PDE4D: variants seen among roughly 807,000 people sequenced by gnomAD.
PDE4D encodes phosphodiesterase 4D.
PDE4D carries 24 observed loss-of-function variants against 87.4 expected under a neutral mutation model. That is an observed-to-expected ratio of 0.27 (90% CI 0.20 to 0.39). The LOEUF (loss-of-function observed/expected upper bound fraction) is 0.39. PDE4D is among the 10% of genes least tolerant of loss of function. The pLI is 1.00. For missense variants in PDE4D, 714 were observed against 1,041.0 expected (o/e 0.69, Z 4.32); for synonymous variants, 384 against 383.2 (o/e 1.00, Z -0.02).
chr5:59,052,916 T>C (rs1379511602), intron 5 of PDE4D, among the ~76,000 whole-genome samples: 1 of 152,192 alleles, frequency 6.6e-6, no homozygotes, highest in Non-Finnish European at 1.5e-5. Context: ...ATGTAAAATA[T>C]AAGAGCTGCT....
chr5:59,008,975 G>C (rs1198128309), intron 6 of PDE4D, among the ~76,000 whole-genome samples: 1 of 152,004 alleles, frequency 6.6e-6, no homozygotes, highest in East Asian at 1.9e-4. Context: ...AAAGATCCAT[G>C]ACCATCATTA....
At chr5:59,067,208 G>A (rs997984182) in intron 5 of PDE4D, among the ~76,000 whole-genome samples, 1 of 151,756 alleles carries the variant, frequency 6.6e-6, no homozygotes, top group Non-Finnish European at 1.5e-5. Context: ...GTAGAGATTA[G>A]GTTTCATCAT....
chr5:60,263,153 G>A (rs1484187143), intron 1 of PDE4D, among the ~76,000 whole-genome samples: 1 of 152,138 alleles, frequency 6.6e-6, no homozygotes, highest in East Asian at 1.9e-4. Context: ...GAGCCGCAAA[G>A]CCTCTGTTAA....
intron 1 of PDE4D, among the ~76,000 whole-genome samples, chr5:59,439,012 G>C (rs1401515114): frequency 6.6e-6 from 1 of 152,106 alleles, no homozygotes; most frequent in Non-Finnish European, 1.5e-5. Flanking sequence ...CTAGATCCCT[G>C]AGTTTATTCA....
intron 3 of PDE4D, among the ~76,000 whole-genome samples, chr5:59,976,282 T>C (rs567321126): frequency 6.6e-6 from 1 of 152,170 alleles, no homozygotes; most frequent in Non-Finnish European, 1.5e-5. Context: ...TTGCTTGATA[T>C]GGTTTGGGTA....
At chr5:59,802,586 A>C (rs1251090815) in intron 1 of PDE4D, among the ~76,000 whole-genome samples, 1 of 151,882 alleles carries the variant, frequency 6.6e-6, no homozygotes, top group East Asian at 1.9e-4. Context: ...TTTAGTAGAG[A>C]GGGGGTTTCA....
chr5:59,235,630 G>T (rs1756250407), intron 1 of PDE4D, among the ~76,000 whole-genome samples: 1 of 152,124 alleles, frequency 6.6e-6, no homozygotes, highest in Non-Finnish European at 1.5e-5. Flanking sequence ...AAAGACAAAT[G>T]CTTATTTTAA....
chr5:60,154,370 A>G (rs1781780719), intron 2 of PDE4D, among the ~76,000 whole-genome samples: 1 of 152,018 alleles, frequency 6.6e-6, no homozygotes, highest in South Asian at 2.1e-4. Flanking sequence ...TCTGTCTCCC[A>G]GGTTCAAGCA....
At chr5:59,049,785 A>G (rs1761256249) in intron 5 of PDE4D, among the ~76,000 whole-genome samples, 2 of 152,190 alleles carry the variant, frequency 1.3e-5, no homozygotes, top group Middle Eastern at 3.2e-3. Flanking sequence ...AAAGAAAGCA[A>G]TTATTTTAAT....
At chr5:59,137,515 G>C (rs187175438) in intron 5 of PDE4D, among the ~76,000 whole-genome samples, 1 of 150,260 alleles carries the variant, frequency 6.7e-6, no homozygotes, top group African/African-American at 2.4e-5. Context: ...TATTTTAAGA[G>C]GGAAAGTTTC....
chr5:59,285,570 C>T (rs1161866666), intron 1 of PDE4D, among the ~76,000 whole-genome samples: 1 of 151,970 alleles, frequency 6.6e-6, no homozygotes, highest in Non-Finnish European at 1.5e-5. Context: ...AAGAAATACA[C>T]TGGAAGAAGT....
intron 1 of PDE4D, among the ~76,000 whole-genome samples, chr5:60,250,321 CA>C (rs1748282273): frequency 6.6e-6 from 1 of 151,768 alleles, no homozygotes; most frequent in South Asian, 2.1e-4. Context: ...AGTCCCTGAT[CA>C]AAGATGATAT....
chr5:59,565,176 GAGA>G (rs1820672054), intron 1 of PDE4D, among the ~76,000 whole-genome samples: 1 of 152,110 alleles, frequency 6.6e-6, no homozygotes, highest in Non-Finnish European at 1.5e-5. Context: ...CAGAAGGAAA[GAGA>G]AGGAGAATGG....
chr5:60,325,586 G>T (rs1326239948), intron 1 of PDE4D, among the ~76,000 whole-genome samples: 1 of 152,056 alleles, frequency 6.6e-6, no homozygotes, highest in Non-Finnish European at 1.5e-5. Flanking sequence ...AACTTTCCCT[G>T]ACTCTCTTGT....
intron 1 of PDE4D, among the ~76,000 whole-genome samples, chr5:59,309,394 G>A (rs916398008): frequency 1.4e-4 from 21 of 152,214 alleles, no homozygotes; most frequent in African/African-American, 5.1e-4. Flanking sequence ...TGCCAGGCAT[G>A]GATGGCCTGC....
At chr5:60,248,783 T>G (rs773753866) in intron 1 of PDE4D, among the ~76,000 whole-genome samples, 1 of 152,064 alleles carries the variant, frequency 6.6e-6, no homozygotes, top group Non-Finnish European at 1.5e-5. Context: ...TTCGATAGCC[T>G]GCTTTCCAAC....
At chr5:59,058,700 A>G (rs1762695810) in intron 5 of PDE4D, among the ~76,000 whole-genome samples, 1 of 152,044 alleles carries the variant, frequency 6.6e-6, no homozygotes, top group Non-Finnish European at 1.5e-5. Flanking sequence ...CAGCTCTCTC[A>G]ATCACAGCAT....
chr5:59,063,688 C>A (rs558828973), intron 5 of PDE4D, among the ~76,000 whole-genome samples: 1 of 152,074 alleles, frequency 6.6e-6, no homozygotes, highest in African/African-American at 2.4e-5. Context: ...ATAAGTTGAC[C>A]AAAGCATTCT....
intron 3 of PDE4D, among the ~76,000 whole-genome samples, chr5:59,958,369 TA>T (rs1759093171): frequency 6.6e-6 from 1 of 152,142 alleles, no homozygotes; most frequent in Non-Finnish European, 1.5e-5. Context: ...CAAAAGGATA[TA>T]TTACCAAGCA....
Sources: allele counts gnomAD v4.1 joint callset (sites outside exome capture counted in the v4.1 genomes callset), GRCh38; gene constraint gnomAD v4.1.1; transcripts MANE v1.5; gene names NCBI Gene and HGNC (gene_info 2026-07-23, HGNC 2026-07-21).